FNBP1: variants seen among roughly 807,000 people sequenced by gnomAD.
FNBP1 encodes formin binding protein 1.
FNBP1 carries 26 observed loss-of-function variants against 90.6 expected under a neutral mutation model. That is an observed-to-expected ratio of 0.29 (90% confidence interval 0.21 to 0.40). FNBP1 has a LOEUF of 0.40. Ranked by LOEUF, FNBP1 falls within the 10% of genes least tolerant of loss-of-function variation. The probability of loss-of-function intolerance (pLI) is 1.00; values close to 1 mark genes in which losing one functional copy is unlikely to be tolerated. For missense variants in FNBP1, 635 were observed against 768.0 expected (o/e 0.83, Z 2.05); for synonymous variants, 260 against 265.2 (o/e 0.98, Z 0.19).
chr9:129,911,324 T>A, intron 11 of FNBP1, among the ~76,000 whole-genome samples: 1 of 152,176 alleles, frequency 6.6e-6, no homozygotes, highest in Non-Finnish European at 1.5e-5. Flanking sequence ...TCGTGCCCCA[T>A]ACCCTGAAGG....
In FNBP1 at chr9:129,994,865, G is replaced by A. The variant is rs965808995; in HGVS notation, c.118C>T (p.Leu40Phe). Residue 40 changes from leucine (L) to phenylalanine (F), a missense_variant, in exon 2 of 17, where the codon CTC becomes TTC. By Grantham distance (22) the Leu-to-Phe change is conservative. Transcript: ENST00000446176. The part of the protein sequence containing the change: ...KFVKERTEIE[L>F]SYAKQLRNLS... ...TACCTGAGTTGCTTTGCATAGCTGA[G>A]TTCAATCTCTGTCCTTTCTTTCACA... is the stretch of plus-strand genomic sequence containing the variant. 6.3e-7 allele frequency: 1 copy of A among 1,594,122 alleles called. No individual in the cohort carries two copies.
intron 4 of FNBP1, among the ~76,000 whole-genome samples, chr9:129,970,880 TTTTTGTTTTG>T (rs1022792626): frequency 6.6e-6 from 1 of 152,016 alleles, no homozygotes; most frequent in South Asian, 2.1e-4. Context: ...GTGAATCTGC[TTTTTGTTTTG>T]TTTTGTTTTG....
chr9:129,960,918 T>C (rs2047709197), intron 4 of FNBP1, among the ~76,000 whole-genome samples: 1 of 152,022 alleles, frequency 6.6e-6, no homozygotes, highest in African/African-American at 2.4e-5. Context: ...GTTGTCAGTC[T>C]GAGCTTTAGG....
intron 4 of FNBP1, among the ~76,000 whole-genome samples, chr9:129,974,459 A>G (rs1043098801): frequency 3.3e-5 from 5 of 152,258 alleles, no homozygotes; most frequent in Admixed American, 6.5e-5. Context: ...CCACCACGCC[A>G]GGCCTCCAAT....
chr9:130,028,955 A>G (rs1480654620), intron 1 of FNBP1, among the ~76,000 whole-genome samples: 1 of 151,948 alleles, frequency 6.6e-6, no homozygotes, highest in Admixed American at 6.6e-5. Flanking sequence ...CCAGCACTAC[A>G]CTTCTTCTCC....
At chr9:129,925,921 T>C (rs2041836705) in intron 8 of FNBP1, among the ~76,000 whole-genome samples, 1 of 151,892 alleles carries the variant, frequency 6.6e-6, no homozygotes, top group African/African-American at 2.4e-5. Flanking sequence ...TCAAAAGCCA[T>C]CATTTGAGCT....
intron 1 of FNBP1, among the ~76,000 whole-genome samples, chr9:130,023,618 C>T (rs2058063446): frequency 1.3e-5 from 2 of 152,066 alleles, no homozygotes; most frequent in African/African-American, 4.8e-5. Context: ...CTAAATTTAG[C>T]TTTACTTGGA....
chr9:129,957,495 A>AT lies in FNBP1; in HGVS notation c.409-32dup, dbSNP rs757511224. 3 of 1,459,136 alleles carry AT rather than the reference A, an allele frequency of 2.1e-6. No individual in the cohort carries two copies. In the South Asian group the frequency reaches 3.4e-5, roughly 17 times the overall value. The allele number at this position is 1,459,136 out of a possible 1,614,324, so 90.4% of individuals were successfully genotyped here. On this transcript the variant is annotated intron_variant, in intron 5 of 16. Transcript: ENST00000446176. The surrounding 1 kb of genome is among the most constrained non-coding windows in gnomAD (Gnocchi z 4.3). ...ATCAGAGGAAAATAATTATGAAACC[A>AT]TAAGAGTCCTACGAGAAGATGTAAT...
intron 4 of FNBP1, among the ~76,000 whole-genome samples, chr9:129,972,851 G>A (rs989089505): frequency 6.6e-6 from 1 of 152,130 alleles, no homozygotes; most frequent in Admixed American, 6.6e-5. Context: ...AGAAGCTCTG[G>A]GATGGAAATG....
At chr9:129,894,188 C>G (rs1424299801) in intron 16 of FNBP1, among the ~76,000 whole-genome samples, 1 of 152,052 alleles carries the variant, frequency 6.6e-6, no homozygotes, top group Non-Finnish European at 1.5e-5. Flanking sequence ...AAAAGAGAAT[C>G]TGACCCAACA....
At chr9:129,998,376 T>C (rs562180854) in intron 1 of FNBP1, among the ~76,000 whole-genome samples, 27 of 151,548 alleles carry the variant, frequency 1.8e-4, no homozygotes, top group Admixed American at 1.6e-3. Flanking sequence ...TAGCTGGGCC[T>C]GGTGGCGCAC....
chr9:130,026,492 T>C (rs1248238490), intron 1 of FNBP1, among the ~76,000 whole-genome samples: 1 of 151,672 alleles, frequency 6.6e-6, no homozygotes, highest in East Asian at 1.9e-4. Context: ...AGACTCTATC[T>C]CAAAAAAACA....
chr9:129,959,665 C>T (rs1377259128), intron 4 of FNBP1, among the ~76,000 whole-genome samples: 1 of 152,130 alleles, frequency 6.6e-6, no homozygotes, highest in East Asian at 1.9e-4. Flanking sequence ...TTTAAGACAG[C>T]GATCGCTTCA....
rs973786485 is a variant in FNBP1 at position 129,888,663 on chromosome 9, A to G, written c.*1876T>C. 2 of 233,066 alleles carry G rather than the reference A, an allele frequency of 8.6e-6. No individual in the cohort carries two copies. The highest frequency in any genetic ancestry group is 5.6e-5 in the Admixed American group (1 of 17,770). 14.4% of individuals were successfully genotyped at this position (233,066 alleles called of 1,614,324 possible). A position where few individuals can be genotyped will look rare whatever the true frequency, so the allele number is the denominator to read the frequency against. On this transcript the variant is annotated 3_prime_UTR_variant, in exon 17 of 17. Coordinates refer to ENST00000446176, the MANE Select transcript of FNBP1 (RefSeq NM_015033.3). ...TCACGCTCACCTACTTTAAAAACCC[A>G]AAGCCACTTCCTCTTCACCTGCCTG...
chr9:129,891,676 C>G (rs1398595445), intron 16 of FNBP1, among the ~76,000 whole-genome samples: 1 of 152,086 alleles, frequency 6.6e-6, no homozygotes, highest in African/African-American at 2.4e-5. Context: ...ACAAAAGAAA[C>G]ACAGACTTCT....
intron 11 of FNBP1, among the ~76,000 whole-genome samples, chr9:129,915,205 G>A (rs1350289093): frequency 6.6e-6 from 1 of 151,858 alleles, no homozygotes; most frequent in Non-Finnish European, 1.5e-5. Context: ...CTCAAACCTG[G>A]GTAGCAGCTG....
At chr9:130,049,182 C>T in the FNBP1 span, among the ~76,000 whole-genome samples, 2 of 152,078 alleles carry the variant, frequency 1.3e-5, no homozygotes, top group Non-Finnish European at 2.9e-5. Context: ...TGAGACCAGG[C>T]ATTCAAGACC....
At chr9:129,942,847 T>C (rs1191277995) in intron 6 of FNBP1, among the ~76,000 whole-genome samples, 15 of 150,642 alleles carry the variant, frequency 1.0e-4, no homozygotes, top group Non-Finnish European at 3.0e-5. Flanking sequence ...TTTTCTTTCT[T>C]TTTTTTTTCT....
At chr9:129,921,585 G>T (rs1006670189) in intron 10 of FNBP1, among the ~76,000 whole-genome samples, 1 of 152,000 alleles carries the variant, frequency 6.6e-6, no homozygotes, top group Non-Finnish European at 1.5e-5. Flanking sequence ...GCTAATTTTT[G>T]TATTTTTAGT....
Sources: allele counts gnomAD v4.1 joint callset (sites outside exome capture counted in the v4.1 genomes callset), GRCh38; gene constraint gnomAD v4.1.1; non-coding constraint Gnocchi (gnomAD v3.1); transcripts MANE v1.5; gene names NCBI Gene and HGNC (gene_info 2026-07-23, HGNC 2026-07-21).